Variants in INTS11 observed in about 807,000 individuals in gnomAD.
INTS11 encodes the protein integrator complex subunit 11, also known as CPSF3-like protein.
Under a neutral mutation model 78.6 loss-of-function variants are expected in INTS11, and 77 were observed. The ratio of observed to expected loss-of-function variants is 0.98; its 90% CI spans 0.81 to 1.18. The LOEUF is 1.18. Ranked by LOEUF, INTS11 falls within the 50% of genes most tolerant of loss-of-function variation. INTS11 has a pLI of 0.00. For missense variants in INTS11, 875 were observed against 825.9 expected (o/e 1.06, Z -0.73); for synonymous variants, 441 against 326.9 (o/e 1.35, Z -3.77).
Position 1,312,700 on chromosome 1 carries a change from C to T in INTS11, c.1295G>A (p.Arg432Gln). The change falls in exon 13 of 17, where the codon CGG becomes CAG. Residue 432 changes from arginine to glutamine, a missense_variant and splice_region_variant. Coordinates refer to ENST00000435064, the MANE Select transcript of INTS11 (RefSeq NM_017871.6). The stretch of plus-strand genomic sequence containing the variant: ...ATTGGCCGGCATGTAGCAGTTGACC[C>T]CTGGACCCCGGGGGAAGAGAGAGCC... ...FLKQKIEQEL[R>Q]VNCYMPANGE... 1 of 1,592,860 alleles carries T rather than the reference C, an allele frequency of 6.3e-7. No individual in the cohort carries two copies. The highest frequency in any genetic ancestry group is 2.2e-5 in the East Asian group (1 of 44,502).
At chr1:1,313,171 A>G (rs761576095) in intron 10 of INTS11, 47 bp from the exon 11 acceptor site, 16 of 1,562,258 alleles carry the variant, frequency 1.0e-5, no homozygotes, top group Non-Finnish European at 1.3e-5. Flanking sequence ...CAGCCTTGGC[A>G]CCTCAAGGCC....
Position 1,313,774 on chromosome 1 carries a change from G to C in INTS11, c.915C>G (p.Ile305Met). 1 of 1,613,380 alleles carries C rather than the reference G, an allele frequency of 6.2e-7. No individual in the cohort carries two copies. Among genetic ancestry groups the C allele is most frequent in the Non-Finnish European group, 8.5e-7 (1 of 1,179,996 alleles). The change falls in exon 9 of 17, where the codon ATC (isoleucine) becomes ATG (methionine). Residue 305 changes from isoleucine to methionine, a missense_variant. Coordinates refer to ENST00000435064, the MANE Select transcript of INTS11 (RefSeq NM_017871.6). ...VQRNMFEFKH[I>M]KAFDRAFADN... Reference sequence around the variant, plus strand: ...CAGCAAAAGCCCGGTCGAAGGCCTTGATGTGCTTGAACTCAAACATGTTCC... The same window carrying C: ...CAGCAAAAGCCCGGTCGAAGGCCTTCATGTGCTTGAACTCAAACATGTTCC...
chr1:1,322,519 G>A (rs1265495639), intron 1 of INTS11, among the ~76,000 whole-genome samples: 1 of 110,332 alleles, frequency 9.1e-6, no homozygotes, highest in Non-Finnish European at 1.8e-5. Flanking sequence ...ACTGCTCCGA[G>A]AAGCCAACTT....
intron 4 of INTS11, chr1:1,317,649 A>T (rs143598137): frequency 1.3e-5 from 2 of 153,436 alleles, no homozygotes; most frequent in East Asian, 3.9e-4. Flanking sequence ...GAGGCCTCAA[A>T]CTCTAAACAG....
intron 15 of INTS11, 28 bp from the exon 16 acceptor site, chr1:1,312,175 C>A: frequency 6.7e-7 from 1 of 1,490,434 alleles, no homozygotes; most frequent in Non-Finnish European, 9.0e-7. Context: ...GAGACCCTGC[C>A]TGGCCTCCAG....
In INTS11 at chr1:1,314,025, A is replaced by G. The variant is rs1057238443; in HGVS notation, c.768-104T>C. 48 of 1,221,554 alleles carry G rather than the reference A, an allele frequency of 3.9e-5. No individual in the cohort carries two copies. Among genetic ancestry groups the G allele is most frequent in the Non-Finnish European group, 5.5e-5 (47 of 855,334 alleles). 75.7% of individuals were successfully genotyped at this position (1,221,554 alleles called of 1,614,324 possible). On this transcript the variant is annotated intron_variant, in intron 8 of 16. Coordinates refer to ENST00000435064, the MANE Select transcript of INTS11 (RefSeq NM_017871.6). This position sits in a 1 kb window ranked among gnomAD's most constrained non-coding sequence, Gnocchi z 4.2. The stretch of plus-strand genomic sequence containing the variant: ...ACACCCGTGTCTGCACAGCCCACGC[A>G]CGGGCCAGGTTGAGTCCAGTCGCGA...
chr1:1,312,213 G>GGCCCCCCCCCCCCCCCCCCC lies in INTS11; in HGVS notation c.1607+12_1607+13insGGGGGGGGGGGGGGGGGGGC. On this transcript the variant is annotated intron_variant, in intron 15 of 16. Transcript: ENST00000435064. Reference sequence around the variant, plus strand: ...CCCAAGGGAGTGGGGGGGGGGCGGGGCCGGGCGCCCACCTCTTGAGGTGGC... The same window carrying GGCCCCCCCCCCCCCCCCCCC: ...CCCAAGGGAGTGGGGGGGGGGCGGGGGCCCCCCCCCCCCCCCCCCCCCGGGCGCCCACCTCTTGAGGTGGC... The GGCCCCCCCCCCCCCCCCCCC allele has an allele frequency of 5.3e-6, 5 of 934,582 alleles. No homozygotes were observed. The highest frequency in any genetic ancestry group is 7.9e-6 in the Non-Finnish European group (5 of 636,638). 57.9% of individuals were successfully genotyped at this position (934,582 alleles called of 1,614,324 possible). A position where few individuals can be genotyped will look rare whatever the true frequency, so the allele number is the denominator to read the frequency against.
chr1:1,313,675 G>A lies in INTS11; in HGVS notation c.957+57C>T, dbSNP rs187619625. The stretch of plus-strand genomic sequence containing the variant: ...TGCAGGCCCAAGCCCAGACACCTGC[G>A]GAAGACAGGAGACCGACGGGTGTGG... On this transcript the variant is annotated intron_variant, in intron 9 of 16. Coordinates refer to ENST00000435064, the MANE Select transcript of INTS11 (RefSeq NM_017871.6). The A allele has an allele frequency of 1.2e-3, 1,985 of 1,609,750 alleles. 1 individual carries two copies. The highest frequency in any genetic ancestry group is 1.6e-3 in the Non-Finnish European group (1,890 of 1,177,358).
intron 1 of INTS11, chr1:1,322,939 A>G: frequency 7.4e-7 from 1 of 1,346,464 alleles, no homozygotes; most frequent in Non-Finnish European, 9.6e-7. Context: ...GATTGCGGGT[A>G]ATTGAAGCCA....
intron 3 of INTS11, 191 bp downstream of exon 3, chr1:1,320,265 G>C: frequency 1.6e-6 from 1 of 609,300 alleles, no homozygotes; most frequent in Non-Finnish European, 2.9e-6. Flanking sequence ...GGCAGGGCCG[G>C]AAGAACAGAC....
rs747145939 is a variant in INTS11, at chr1:1,320,566, T to TCTCC, written c.127-41_127-38dup. On this transcript the variant is annotated intron_variant, in intron 2 of 16. Transcript: ENST00000435064. Reference sequence around the variant, plus strand: ...GTGGGGGTTTCAGGTTGCACAGTGGTCTCCAGGCAGCATCTGGGGCCACCC... The same window carrying TCTCC: ...GTGGGGGTTTCAGGTTGCACAGTGGTCTCCCTCCAGGCAGCATCTGGGGCCACCC... The TCTCC allele has an allele frequency of 6.8e-6, 11 of 1,607,852 alleles. No homozygotes were observed. In the African/African-American group the frequency reaches 1.2e-4, roughly 18 times the overall value.
intron 8 of INTS11, 49 bp from the exon 9 acceptor site, chr1:1,313,970 G>A: frequency 6.3e-7 from 1 of 1,576,686 alleles, no homozygotes; most frequent in Non-Finnish European, 8.7e-7. Context: ...GGAGAATGCT[G>A]CAGGGCAGGA....
In INTS11 at chr1:1,312,296, A is replaced by C. The variant is rs370137419; in HGVS notation, c.1537T>G (p.Cys513Gly). The change falls in exon 15 of 17, where the codon TGC becomes GGC. Residue 513 changes from cysteine (C) to glycine (G), a missense_variant. Transcript: ENST00000435064. ...GLAEHQLRFT[C>G]RVHLHDTRKE... The stretch of plus-strand genomic sequence containing the variant: ...CGTGTGTCATGCAGGTGCACGCGGC[A>C]GGTGAAGCGCAGCTGGTGCTCAGCC... The C allele has an allele frequency of 8.4e-6, 13 of 1,550,516 alleles. No individual in the cohort carries two copies. In the African/African-American group the frequency reaches 1.5e-4, roughly 18 times the overall value.
intron 1 of INTS11, 79 bp downstream of exon 1, chr1:1,324,502 G>C: frequency 7.0e-7 from 1 of 1,427,166 alleles, no homozygotes; most frequent in Non-Finnish European, 9.6e-7. Flanking sequence ...CACGAGAAAC[G>C]GGAGGGAGCG....
chr1:1,312,969 T>G lies in INTS11; in HGVS notation c.1132-20A>C, dbSNP rs1642324750. On this transcript the variant is annotated intron_variant, in intron 11 of 16. Transcript: ENST00000435064. ...CTCCAGCTACAGAGGCCACGGGGCG[T>G]GGACAGTGGTTACCACCAGGAGGTG... The G allele has an allele frequency of 1.2e-6, 2 of 1,611,846 alleles. No homozygotes were observed. Among genetic ancestry groups the G allele is most frequent in the Non-Finnish European group, 1.7e-6 (2 of 1,179,444 alleles).
chr1:1,313,237 G>A lies in INTS11; in HGVS notation c.1042-113C>T, dbSNP rs1270993803. 2.1e-5 allele frequency: 26 copies of A among 1,210,106 alleles called. No individual in the cohort carries two copies. In the East Asian group the frequency reaches 4.1e-4, roughly 19 times the overall value. 75.0% of individuals were successfully genotyped at this position (1,210,106 alleles called of 1,614,324 possible). A position where few individuals can be genotyped will look rare whatever the true frequency, so the allele number is the denominator to read the frequency against. On this transcript the variant is annotated intron_variant, in intron 10 of 16. Transcript: ENST00000435064. ...GAAGCTGTTTCCACCTGCCAGCGGC[G>A]CCCGACCAAGCCTAGCTGCAGACTC...
intron 1 of INTS11, chr1:1,321,786 G>T: frequency 1.5e-6 from 1 of 675,724 alleles, no homozygotes; most frequent in Non-Finnish European, 2.2e-6. Context: ...GCCAGCCAAG[G>T]CACACTCAGC....
At chr1:1,318,864 ACTT>A in intron 4 of INTS11, 1 of 643,260 alleles carries the variant, frequency 1.6e-6, no homozygotes, top group South Asian at 1.7e-5. Context: ...TTTAACCTTC[ACTT>A]CTTCCCTGAC....
intron 12 of INTS11, 36 bp downstream of exon 12, chr1:1,312,751 C>T (rs561688546): frequency 8.1e-6 from 13 of 1,596,134 alleles, no homozygotes; most frequent in South Asian, 2.2e-5. Context: ...CGTGCTGACC[C>T]GAGGTGGGCC....
Sources: allele counts gnomAD v4.1 joint callset (sites outside exome capture counted in the v4.1 genomes callset), GRCh38; gene constraint gnomAD v4.1.1; non-coding constraint Gnocchi (gnomAD v3.1); transcripts MANE v1.5; gene names NCBI Gene and HGNC (gene_info 2026-07-23, HGNC 2026-07-21).